C9orf153: variants seen among roughly 807,000 people sequenced by gnomAD.
The protein encoded by C9orf153 is uncharacterized protein C9orf153.
A neutral mutation model predicts 9.0 loss-of-function variants in C9orf153; 10 were observed. That is an observed-to-expected ratio of 1.11 (90% CI 0.69 to 1.89). The LOEUF is 1.89. Among genes scored for constraint, C9orf153 ranks in the 40% most tolerant of loss-of-function variants. The pLI, the probability that C9orf153 is intolerant of heterozygous loss-of-function variation, is 0.00. For synonymous variants in C9orf153, 35 were observed against 37.3 expected, an observed-to-expected ratio of 0.94 and a Z score of 0.23; for missense variants, 108 against 111.0, an observed-to-expected ratio of 0.97 and a Z score of 0.12.
At chr9:86,227,710 G>A (rs1027923228) in intron 3 of C9orf153, 145 bp downstream of exon 3, 3 of 1,378,444 alleles carry the variant, frequency 2.2e-6, no homozygotes, top group Admixed American at 3.3e-5. Context: ...AAGGAAAAGT[G>A]TGCTTGGGAG....
Position 86,227,968 on chromosome 9 carries a change from TA to T in C9orf153, c.128del (p.Leu43GlnfsTer19). 6.2e-7 allele frequency: 1 copy of T among 1,613,646 alleles called. No individual in the cohort carries two copies. Among genetic ancestry groups the T allele is most frequent in the Non-Finnish European group, 8.5e-7 (1 of 1,179,732 alleles). On this transcript the variant is annotated frameshift_variant, in exon 3 of 4. Transcript: ENST00000339137. LOFTEE classifies it high-confidence loss of function. ...CGTTAAGTGAAATACCATGCATTTT[TA>T]GAAGATTTGATTTCTTGCTCTCCTT... Reference protein sequence around the residue: ...FNKESKKSNLLKMHGISLNEA... With the variant: ...FNKESKKSNLXKMHGISLNEA...
chr9:86,250,005 CT>C (rs1225249373), intron 1 of C9orf153, among the ~76,000 whole-genome samples: 1 of 152,146 alleles, frequency 6.6e-6, no homozygotes, highest in Admixed American at 6.5e-5. Context: ...CGTTCGTCTT[CT>C]TGGGGGCAAG....
intron 1 of C9orf153, among the ~76,000 whole-genome samples, chr9:86,232,027 C>T (rs1022397191): frequency 6.6e-6 from 1 of 152,176 alleles, no homozygotes; most frequent in South Asian, 2.1e-4. Flanking sequence ...CCTTTTCTCT[C>T]TCTCTCCCTG....
intron 1 of C9orf153, among the ~76,000 whole-genome samples, chr9:86,244,056 G>T (rs548834396): frequency 8.8e-4 from 134 of 152,284 alleles, no homozygotes; most frequent in Admixed American, 1.9e-3. Context: ...GCCAAATGTG[G>T]TTACTGAGAG....
At chr9:86,247,963 G>A (rs569572025) in intron 1 of C9orf153, among the ~76,000 whole-genome samples, 85 of 152,306 alleles carry the variant, frequency 5.6e-4, no homozygotes, top group African/African-American at 1.9e-3. Flanking sequence ...AGGAGGCTCT[G>A]CACGCATTGG....
intron 1 of C9orf153, chr9:86,258,756 A>G (rs1248282320): frequency 6.6e-6 from 1 of 152,172 alleles, no homozygotes; most frequent in Non-Finnish European, 1.5e-5. Flanking sequence ...TAATATACTT[A>G]AATTTTAGAG....
At chr9:86,226,175 T>C (rs746553215) in intron 3 of C9orf153, among the ~76,000 whole-genome samples, 20 of 152,348 alleles carry the variant, frequency 1.3e-4, no homozygotes, top group Admixed American at 4.6e-4. Context: ...CGTAGGACTC[T>C]ATGAAAGGAT....
At chr9:86,255,178 CTCTA>C (rs775626724) in intron 1 of C9orf153, among the ~76,000 whole-genome samples, 42 of 137,106 alleles carry the variant, frequency 3.1e-4, no homozygotes, top group Non-Finnish European at 3.8e-4. Context: ...CTTTGCCTAT[CTCTA>C]TCTAACAACT....
At chr9:86,255,625 A>G (rs1392538683) in intron 1 of C9orf153, among the ~76,000 whole-genome samples, 3 of 152,130 alleles carry the variant, frequency 2.0e-5, no homozygotes, top group Non-Finnish European at 4.4e-5. Flanking sequence ...ATTTACCACC[A>G]TAACTTGTTT....
intron 3 of C9orf153, among the ~76,000 whole-genome samples, chr9:86,223,336 C>T (rs538833793): frequency 3.9e-5 from 6 of 152,160 alleles, no homozygotes; most frequent in African/African-American, 1.4e-4. Flanking sequence ...GGCTTGGTGG[C>T]GGGCACCTGT....
chr9:86,235,619 G>C (rs557151068), intron 1 of C9orf153, among the ~76,000 whole-genome samples: 6 of 151,824 alleles, frequency 4.0e-5, no homozygotes, highest in East Asian at 1.9e-4. Flanking sequence ...GCCAGGCGTG[G>C]AGGCATGTGC....
intron 1 of C9orf153, among the ~76,000 whole-genome samples, chr9:86,241,992 G>A (rs779846013): frequency 6.6e-6 from 1 of 152,168 alleles, no homozygotes; most frequent in South Asian, 2.1e-4. Context: ...AAGTGAATTC[G>A]TAAGTTTGAA....
At chr9:86,243,709 C>T (rs1824802471) in intron 1 of C9orf153, among the ~76,000 whole-genome samples, 2 of 152,174 alleles carry the variant, frequency 1.3e-5, no homozygotes, top group South Asian at 4.1e-4. Flanking sequence ...TTGCAGGCTT[C>T]CAGCACCATC....
intron 1 of C9orf153, among the ~76,000 whole-genome samples, chr9:86,244,966 GC>G (rs1329009116): frequency 1.3e-5 from 2 of 152,026 alleles, no homozygotes; most frequent in Admixed American, 1.3e-4. Flanking sequence ...CACTCTTGTC[GC>G]CCAGGCTGGA....
intron 1 of C9orf153, among the ~76,000 whole-genome samples, chr9:86,230,393 C>T (rs1024399435): frequency 1.3e-5 from 2 of 152,222 alleles, no homozygotes; most frequent in Admixed American, 6.5e-5. Context: ...CCTCTGCATC[C>T]CGGGTTCAAG....
At chr9:86,252,028 T>TTTTTG (rs1043615141) in intron 1 of C9orf153, among the ~76,000 whole-genome samples, 12 of 151,412 alleles carry the variant, frequency 7.9e-5, no homozygotes, top group African/African-American at 2.4e-4. Flanking sequence ...TATTTGGTCT[T>TTTTTG]TTTTGTTTTG....
chr9:86,255,887 C>T (rs1428895157), intron 1 of C9orf153, among the ~76,000 whole-genome samples: 1 of 152,194 alleles, frequency 6.6e-6, no homozygotes, highest in African/African-American at 2.4e-5. Context: ...ATAAGCTCAT[C>T]TGGCCAGGTC....
intron 1 of C9orf153, among the ~76,000 whole-genome samples, chr9:86,234,684 A>C (rs1465462161): frequency 6.6e-6 from 1 of 152,368 alleles, no homozygotes; most frequent in East Asian, 1.9e-4. Context: ...ACGAAAACAT[A>C]AGCTACAGAA....
chr9:86,259,219 C>G (rs1170415446), intron 1 of C9orf153, among the ~76,000 whole-genome samples: 1 of 151,952 alleles, frequency 6.6e-6, no homozygotes, highest in Non-Finnish European at 1.5e-5. Flanking sequence ...ACCAAGCATC[C>G]ATGGGAACAC....
Sources: gnomAD v4.1 joint callset for allele counts (sites outside exome capture counted in the v4.1 genomes callset) on GRCh38, gnomAD v4.1.1 for gene constraint, MANE v1.5 for transcripts, NCBI Gene and HGNC (gene_info 2026-07-23, HGNC 2026-07-21) for gene names.